The following CNST variants were observed in gnomAD, a reference collection of about 807,000 sequenced individuals.
CNST encodes the protein consortin, connexin sorting protein.
Under a neutral mutation model 72.4 loss-of-function variants are expected in CNST, and 39 were observed. That is an observed-to-expected ratio of 0.54 (90% CI 0.42 to 0.70). The LOEUF (loss-of-function observed/expected upper bound fraction) is 0.70, where lower values mean the gene tolerates loss of function less well. CNST is among the 30% of genes least tolerant of loss of function. The pLI is 0.00. For missense variants in CNST, 871 were observed against 868.5 expected (o/e 1.00, Z -0.04); for synonymous variants, 332 against 320.1 (o/e 1.04, Z -0.40).
At chr1:246,638,586 A>G (rs935322116) in intron 6 of CNST, among the ~76,000 whole-genome samples, 19 of 152,134 alleles carry the variant, frequency 1.2e-4, no homozygotes, top group Admixed American at 9.2e-4. Context: ...CTAGAGTGAG[A>G]GCTCGAGTGA....
chr1:246,622,555 A>G (rs1664161970), intron 3 of CNST, among the ~76,000 whole-genome samples: 1 of 152,206 alleles, frequency 6.6e-6, no homozygotes, highest in African/African-American at 2.4e-5. Context: ...AGATGTTAAA[A>G]GAGGAGGTGA....
chr1:246,618,747 G>C (rs1316275815), intron 2 of CNST, among the ~76,000 whole-genome samples: 8 of 152,022 alleles, frequency 5.3e-5, no homozygotes, highest in Non-Finnish European at 1.0e-4. Context: ...TTTAATATCA[G>C]TAACATTGAA....
rs536989312 is a variant in CNST, at chr1:246,608,647, C to A, written c.380-12782C>A. On this transcript the variant is annotated intron_variant, in intron 2 of 10. Transcript: ENST00000366513. ...TGCTGTGTGATCAACAGGATTTAAGCCCGTGGGTTACCTGCTTTTACAACC... is the reference window on the plus strand; with the variant it reads ...TGCTGTGTGATCAACAGGATTTAAGACCGTGGGTTACCTGCTTTTACAACC... Among the ~76,000 whole-genome samples, 53 of 152,264 alleles carry A rather than the reference C, an allele frequency of 3.5e-4. 1 individual carries two copies. In the South Asian group the frequency reaches 8.3e-3, roughly 24 times the overall value.
chr1:246,625,365 G>T (rs1336703669), intron 3 of CNST, among the ~76,000 whole-genome samples: 1 of 146,622 alleles, frequency 6.8e-6, no homozygotes, highest in Non-Finnish European at 1.5e-5. Flanking sequence ...AACAGTCTAA[G>T]AATTCATGTA....
intron 9 of CNST, among the ~76,000 whole-genome samples, chr1:246,659,330 C>A (rs563382062): frequency 6.6e-6 from 1 of 152,198 alleles, no homozygotes; most frequent in Admixed American, 6.5e-5. Flanking sequence ...TGCGGTGGCT[C>A]ACACCTGTAA....
rs113081237 is a variant in CNST at position 246,666,259 on chromosome 1, T to C, written c.*354T>C. On this transcript the variant is annotated 3_prime_UTR_variant, in exon 11 of 11. Transcript: ENST00000366513. ...TCAAGCTAATGGTTAAAGAACACTT[T>C]TGGTTTACACTTGTTGGGTCATAGA... 1.1e-5 allele frequency: 2 copies of C among 179,430 alleles called. No individual in the cohort carries two copies. Among genetic ancestry groups the C allele is most frequent in the Non-Finnish European group, 1.2e-5 (1 of 85,848 alleles). 11.1% of individuals were successfully genotyped at this position (179,430 alleles called of 1,614,324 possible). A position where few individuals can be genotyped will look rare whatever the true frequency, so the allele number is the denominator to read the frequency against.
At chr1:246,639,895 T>C (rs1223861928) in intron 6 of CNST, among the ~76,000 whole-genome samples, 1 of 152,230 alleles carries the variant, frequency 6.6e-6, no homozygotes, top group Non-Finnish European at 1.5e-5. Flanking sequence ...GAAGTGTCCC[T>C]GTCTGATGTA....
intron 9 of CNST, among the ~76,000 whole-genome samples, chr1:246,654,415 G>C (rs79092913): frequency 0.047 from 7,173 of 152,270 alleles, 549 homozygotes; most frequent in African/African-American, 0.16. Context: ...GTAAGTGCTA[G>C]CTGATGCTAT....
intron 3 of CNST, among the ~76,000 whole-genome samples, chr1:246,623,458 AAAAGT>A (rs1339331862): frequency 6.6e-6 from 1 of 152,154 alleles, no homozygotes; most frequent in East Asian, 1.9e-4. Context: ...AAATGGGATA[AAAAGT>A]AAAGTAGGCA....
chr1:246,594,843 A>C (rs982685093), intron 2 of CNST, among the ~76,000 whole-genome samples: 3 of 152,194 alleles, frequency 2.0e-5, no homozygotes, highest in Non-Finnish European at 4.4e-5. Flanking sequence ...ACTTGGTGAG[A>C]CTGAAGCAGT....
intron 2 of CNST, 35 bp from the exon 3 acceptor site, chr1:246,621,394 G>T (rs1372866297): frequency 1.6e-5 from 23 of 1,482,798 alleles, no homozygotes; most frequent in South Asian, 3.4e-5. Context: ...CATGGGAATT[G>T]ATCCTAACAT....
chr1:246,605,567 T>G (rs1402145463), intron 2 of CNST, among the ~76,000 whole-genome samples: 1 of 151,956 alleles, frequency 6.6e-6, no homozygotes, highest in Non-Finnish European at 1.5e-5. Flanking sequence ...GGTTTTACAG[T>G]CTCCTGTAAA....
intron 4 of CNST, chr1:246,632,501 G>A (rs1342597102): frequency 5.4e-6 from 1 of 186,792 alleles, no homozygotes. Context: ...GTGGAAGAGT[G>A]TATTTTGACC....
intron 2 of CNST, among the ~76,000 whole-genome samples, chr1:246,610,436 A>C (rs909890963): frequency 6.6e-6 from 1 of 152,194 alleles, no homozygotes; most frequent in Non-Finnish European, 1.5e-5. Context: ...TTCTTTGCCC[A>C]GGAAATTCAA....
chr1:246,622,214 C>T (rs1217027638), intron 3 of CNST, among the ~76,000 whole-genome samples: 1 of 152,134 alleles, frequency 6.6e-6, no homozygotes, highest in Non-Finnish European at 1.5e-5. Context: ...GTTTGATAAG[C>T]ATCTACCAGG....
intron 1 of CNST, among the ~76,000 whole-genome samples, chr1:246,589,821 A>G (rs1661431465): frequency 6.6e-6 from 1 of 152,152 alleles, no homozygotes; most frequent in Non-Finnish European, 1.5e-5. Context: ...CTGGTGTGAG[A>G]TGGTATCTCA....
chr1:246,642,201 T>C (rs999266765), intron 8 of CNST, among the ~76,000 whole-genome samples, 164 bp downstream of exon 8: 3 of 136,944 alleles, frequency 2.2e-5, no homozygotes, highest in African/African-American at 8.4e-5. Flanking sequence ...AAGAGCAAAA[T>C]GAGACTTTTT....
Position 246,633,979 on chromosome 1 carries a change from C to T in CNST, c.672C>T (p.Leu224=), listed in dbSNP as rs377066455. The change falls in exon 5 of 11, where the codon CTC becomes CTT. Residue 224 remains leucine (L), a synonymous_variant. Transcript: ENST00000366513. ...QLERLYHEQL[L]ANLSAIQEQW... is the part of the protein sequence containing the mutation. Reference sequence around the variant, plus strand: ...AACGATTGTATCATGAGCAATTGCTCGCAAATCTTTCTGCCATTCAAGAAC... The same window carrying T: ...AACGATTGTATCATGAGCAATTGCTTGCAAATCTTTCTGCCATTCAAGAAC... The T allele has an allele frequency of 1.1e-5, 18 of 1,612,824 alleles. No homozygotes were observed. Among genetic ancestry groups the T allele is most frequent in the Admixed American group, 3.3e-5 (2 of 59,992 alleles).
At chr1:246,579,254 G>T (rs1660635421) in intron 1 of CNST, among the ~76,000 whole-genome samples, 1 of 152,150 alleles carries the variant, frequency 6.6e-6, no homozygotes, top group Non-Finnish European at 1.5e-5. Flanking sequence ...TTATCATCCT[G>T]TGACTTTGCA....
Sources: allele counts gnomAD v4.1 joint callset (sites outside exome capture counted in the v4.1 genomes callset), GRCh38; gene constraint gnomAD v4.1.1; transcripts MANE v1.5; gene names NCBI Gene and HGNC (gene_info 2026-07-23, HGNC 2026-07-21).